The following COLEC12 variants were observed in gnomAD, a reference collection of about 807,000 sequenced individuals.
COLEC12 encodes the protein collectin subfamily member 12.
COLEC12 carries 33 observed loss-of-function variants against 71.1 expected under a neutral mutation model. That is an observed-to-expected ratio of 0.46 (90% CI 0.35 to 0.62). The LOEUF (loss-of-function observed/expected upper bound fraction) is 0.62, where lower values mean the gene tolerates loss of function less well. Ranked by LOEUF, COLEC12 falls within the 20% of genes least tolerant of loss-of-function variation. The pLI is 0.00. For synonymous variants in COLEC12, 350 were observed against 353.0 expected (o/e 0.99, Z 0.10); for missense variants, 765 against 916.1 (o/e 0.84, Z 2.13).
At chr18:462,508 G>C (rs1341999531) in intron 2 of COLEC12, among the ~76,000 whole-genome samples, 1 of 152,198 alleles carries the variant, frequency 6.6e-6, no homozygotes, top group African/African-American at 2.4e-5. Context: ...GCTGAGGATG[G>C]AAGGGTGAAA....
At chr18:335,521 C>T (rs1459024829) in intron 5 of COLEC12, among the ~76,000 whole-genome samples, 1 of 152,104 alleles carries the variant, frequency 6.6e-6, no homozygotes, top group African/African-American at 2.4e-5. Flanking sequence ...ATGAGTGACC[C>T]TAATCCAATA....
chr18:326,068 A>G (rs1913835257), intron 8 of COLEC12, among the ~76,000 whole-genome samples: 1 of 152,228 alleles, frequency 6.6e-6, no homozygotes, highest in African/African-American at 2.4e-5. Context: ...GGAAGCTTAG[A>G]TCATTGATTT....
intron 2 of COLEC12, among the ~76,000 whole-genome samples, chr18:407,487 CT>C (rs149761563): frequency 6.6e-6 from 1 of 152,272 alleles, no homozygotes; most frequent in East Asian, 1.9e-4. Context: ...CCATTTGAGT[CT>C]GAAGGCAGGA....
intron 2 of COLEC12, among the ~76,000 whole-genome samples, chr18:451,138 T>C (rs1916752641): frequency 6.6e-6 from 1 of 152,220 alleles, no homozygotes; most frequent in South Asian, 2.1e-4. Flanking sequence ...CAAGTAGGCA[T>C]GCCCCAGGGC....
At chr18:370,244 TG>T (rs1914971050) in intron 2 of COLEC12, among the ~76,000 whole-genome samples, 1 of 152,208 alleles carries the variant, frequency 6.6e-6, no homozygotes, top group African/African-American at 2.4e-5. Context: ...AAGTGAATAA[TG>T]GAGATCAGAG....
intron 2 of COLEC12, among the ~76,000 whole-genome samples, chr18:426,183 T>C (rs1051506849): frequency 1.1e-4 from 17 of 152,224 alleles, no homozygotes; most frequent in Non-Finnish European, 1.9e-4. Flanking sequence ...TTTTCACATA[T>C]TTTATTGGTT....
intron 2 of COLEC12, among the ~76,000 whole-genome samples, chr18:464,382 C>T (rs1002099964): frequency 8.5e-5 from 13 of 152,164 alleles, no homozygotes; most frequent in Non-Finnish European, 1.8e-4. Flanking sequence ...TTGAATGGGC[C>T]GCAGTCCATT....
At chr18:382,896 G>C (rs1915264889) in intron 2 of COLEC12, among the ~76,000 whole-genome samples, 1 of 152,190 alleles carries the variant, frequency 6.6e-6, no homozygotes, top group Non-Finnish European at 1.5e-5. Context: ...TCAAATTATA[G>C]TATTGAGCAT....
chr18:434,455 T>C (rs1244294547), intron 2 of COLEC12, among the ~76,000 whole-genome samples: 1 of 152,238 alleles, frequency 6.6e-6, no homozygotes, highest in Non-Finnish European at 1.5e-5. Flanking sequence ...AATGTTTTGC[T>C]TCCATATGAA....
Position 392,684 on chromosome 18 carries a change from T to C in COLEC12, c.59-35162A>G, listed in dbSNP as rs1330645663. 4.6e-5 allele frequency among the ~76,000 whole-genome samples: 7 copies of C among 152,182 alleles called. No homozygotes were observed. In the East Asian group the frequency reaches 1.3e-3, roughly 29 times the overall value. ...AAAGGTGCTTAGCCCACAGTTTTAC[T>C]CCTAAAATGTGAGGGCCTTTTATGG... On this transcript the variant is annotated intron_variant, in intron 2 of 9. Transcript: ENST00000400256.
chr18:371,377 G>A (rs1914995215), intron 2 of COLEC12, among the ~76,000 whole-genome samples: 4 of 152,220 alleles, frequency 2.6e-5, no homozygotes, highest in African/African-American at 7.2e-5. Context: ...TTGACTTTGA[G>A]CCCGTGGAAG....
intron 2 of COLEC12, among the ~76,000 whole-genome samples, chr18:447,119 T>C (rs930271595): frequency 6.6e-6 from 1 of 152,200 alleles, no homozygotes; most frequent in Non-Finnish European, 1.5e-5. Context: ...GTGGAATCTC[T>C]CCCTATGAAA....
In COLEC12 at chr18:408,055, T is replaced by G. The variant is rs75904203; in HGVS notation, c.59-50533A>C. On this transcript the variant is annotated intron_variant, in intron 2 of 9. Coordinates refer to ENST00000400256, the MANE Select transcript of COLEC12 (RefSeq NM_130386.3). The surrounding 1 kb of genome is among the most constrained non-coding windows in gnomAD (Gnocchi z 4.3). ...TGACTCATGCAGAGAAGGAATCCAG[T>G]TGGCACTAACCTAGGAAATGAATTT... is the stretch of plus-strand genomic sequence containing the variant. Among the ~76,000 whole-genome samples the G allele has an allele frequency of 0.1, 15,312 of 152,248 alleles. 817 individuals carry two copies. The highest frequency in any genetic ancestry group is 0.14 in the Admixed American group (2,169 of 15,292).
chr18:330,069 C>A (rs1231001158), intron 8 of COLEC12, among the ~76,000 whole-genome samples: 1 of 152,104 alleles, frequency 6.6e-6, no homozygotes, highest in African/African-American at 2.4e-5. Flanking sequence ...CAGAGTGAGA[C>A]CTTGTCCCTT....
chr18:319,961 T>A lies in COLEC12; in HGVS notation c.*84A>T. The A allele has an allele frequency of 1.2e-6, 1 of 803,952 alleles. No homozygotes were observed. The highest frequency in any genetic ancestry group is 2.1e-6 in the Non-Finnish European group (1 of 485,774). 49.8% of individuals were successfully genotyped at this position (803,952 alleles called of 1,614,324 possible). On this transcript the variant is annotated 3_prime_UTR_variant, in exon 10 of 10. Transcript: ENST00000400256. ...TTTCAGTGCTTTTTTTTTTTCAATCTGATGAGAAGGTGATGCAATTAGAAA... is the reference window on the plus strand; with the variant it reads ...TTTCAGTGCTTTTTTTTTTTCAATCAGATGAGAAGGTGATGCAATTAGAAA...
chr18:390,620 C>T (rs986581997), intron 2 of COLEC12, among the ~76,000 whole-genome samples: 1 of 152,044 alleles, frequency 6.6e-6, no homozygotes, highest in Non-Finnish European at 1.5e-5. Context: ...ATTAGCCAGG[C>T]ATGCCGGTGT....
chr18:419,565 C>G (rs1179522386), intron 2 of COLEC12, among the ~76,000 whole-genome samples: 2 of 152,164 alleles, frequency 1.3e-5, no homozygotes, highest in African/African-American at 4.8e-5. Context: ...ATGTTTCTAT[C>G]AAAACGTTTC....
At chr18:418,558 G>A (rs1324822533) in intron 2 of COLEC12, among the ~76,000 whole-genome samples, 2 of 152,214 alleles carry the variant, frequency 1.3e-5, no homozygotes. Flanking sequence ...GATAAGATAG[G>A]AGGTCAGCAC....
At chr18:437,769 G>A (rs915433487) in intron 2 of COLEC12, among the ~76,000 whole-genome samples, 1 of 152,212 alleles carries the variant, frequency 6.6e-6, no homozygotes, top group African/African-American at 2.4e-5. Flanking sequence ...TGCGTTAAGT[G>A]AGCCTCTCCC....
Sources: gnomAD v4.1 joint callset for allele counts (sites outside exome capture counted in the v4.1 genomes callset) on GRCh38, gnomAD v4.1.1 for gene constraint, Gnocchi (gnomAD v3.1) non-coding constraint, MANE v1.5 for transcripts, NCBI Gene and HGNC (gene_info 2026-07-23, HGNC 2026-07-21) for gene names.